TRPM3: variants seen among roughly 807,000 people sequenced by gnomAD.
TRPM3 encodes the protein long transient receptor potential channel 3.
TRPM3 carries 77 observed loss-of-function variants against 181.2 expected under a neutral mutation model. The observed-to-expected ratio is 0.42, with a 90% CI of 0.35 to 0.51. The LOEUF is 0.51. Among genes scored for constraint, TRPM3 ranks in the 20% least tolerant of loss-of-function variants. TRPM3 has a pLI of 0.01. For missense variants in TRPM3, 1,759 were observed against 2,196.7 expected, an observed-to-expected ratio of 0.80 and a Z score of 3.98; for synonymous variants, 745 against 796.4, an observed-to-expected ratio of 0.94 and a Z score of 1.09.
At chr9:70,655,588 T>G (rs1263232823) in intron 9 of TRPM3, among the ~76,000 whole-genome samples, 1 of 152,162 alleles carries the variant, frequency 6.6e-6, no homozygotes, top group Non-Finnish European at 1.5e-5. Context: ...AGGATCTTTG[T>G]GTGCGTGATT....
At chr9:71,096,606 T>A (rs1246820092) in intron 1 of TRPM3, among the ~76,000 whole-genome samples, 7 of 149,456 alleles carry the variant, frequency 4.7e-5, no homozygotes, top group Non-Finnish European at 7.4e-5. Flanking sequence ...TCTCTCTCTC[T>A]CTCTCTCTCT....
chr9:71,300,137 G>T (rs1450617453), intron 1 of TRPM3, among the ~76,000 whole-genome samples: 1 of 152,056 alleles, frequency 6.6e-6, no homozygotes, highest in African/African-American at 2.4e-5. Context: ...AAAGATAAAA[G>T]GATGTCTATA....
At chr9:71,021,684 G>T (rs544295646) in intron 1 of TRPM3, among the ~76,000 whole-genome samples, 60 of 152,218 alleles carry the variant, frequency 3.9e-4, no homozygotes, top group African/African-American at 1.4e-3. Flanking sequence ...AATATTTGAG[G>T]TCAGATTTGG....
intron 1 of TRPM3, among the ~76,000 whole-genome samples, chr9:71,418,856 G>GTA (rs1326917947): frequency 1.4e-5 from 2 of 138,162 alleles, no homozygotes; most frequent in Non-Finnish European, 3.1e-5. Context: ...AGTATCCTTT[G>GTA]TATATATATG....
intron 1 of TRPM3, among the ~76,000 whole-genome samples, chr9:71,097,586 C>T (rs780068453): frequency 6.6e-6 from 1 of 151,922 alleles, no homozygotes; most frequent in Non-Finnish European, 1.5e-5. Flanking sequence ...CAGTGAATTT[C>T]CTCTAAAACC....
chr9:70,693,505 A>G (rs971905473), intron 8 of TRPM3, among the ~76,000 whole-genome samples: 36 of 152,090 alleles, frequency 2.4e-4, no homozygotes, highest in Non-Finnish European at 4.6e-4. Context: ...ATATTTTTTC[A>G]TCATTACAAG....
intron 1 of TRPM3, among the ~76,000 whole-genome samples, chr9:71,021,461 G>A (rs537469076): frequency 2.6e-5 from 4 of 152,152 alleles, no homozygotes; most frequent in Non-Finnish European, 5.9e-5. Flanking sequence ...GGGGATAATC[G>A]ATTTTAACTT....
At chr9:70,893,874 A>G (rs975929640) in intron 1 of TRPM3, among the ~76,000 whole-genome samples, 1 of 152,220 alleles carries the variant, frequency 6.6e-6, no homozygotes, top group African/African-American at 2.4e-5. Context: ...TATGCAAAAC[A>G]TTCTAAGCCT....
chr9:70,874,073 A>AG (rs2095834382), intron 1 of TRPM3, among the ~76,000 whole-genome samples: 1 of 151,916 alleles, frequency 6.6e-6, no homozygotes, highest in Non-Finnish European at 1.5e-5. Context: ...GATTGGGAAA[A>AG]GATTCAATAA....
At chr9:71,311,192 G>A (rs1443267304) in intron 1 of TRPM3, among the ~76,000 whole-genome samples, 1 of 151,952 alleles carries the variant, frequency 6.6e-6, no homozygotes, top group Non-Finnish European at 1.5e-5. Flanking sequence ...AAAAAATTGT[G>A]CACAAAGTGA....
chr9:71,191,247 C>T (rs1014071489), intron 1 of TRPM3, among the ~76,000 whole-genome samples: 4 of 151,792 alleles, frequency 2.6e-5, no homozygotes, highest in Admixed American at 6.6e-5. Flanking sequence ...CAGTGGCCAG[C>T]GTGGTGCTGG....
chr9:71,344,325 C>T (rs1480437735), intron 1 of TRPM3, among the ~76,000 whole-genome samples: 3 of 152,004 alleles, frequency 2.0e-5, no homozygotes, highest in African/African-American at 7.3e-5. Context: ...GTAGCGCATG[C>T]CTGTAATCCC....
intron 1 of TRPM3, among the ~76,000 whole-genome samples, chr9:71,039,192 C>A (rs2058547867): frequency 1.3e-5 from 2 of 152,088 alleles, no homozygotes. Flanking sequence ...AGACAAATCA[C>A]GGAACTGAAC....
intron 1 of TRPM3, among the ~76,000 whole-genome samples, chr9:70,979,340 T>A (rs2097339481): frequency 6.6e-6 from 1 of 152,172 alleles, no homozygotes; most frequent in South Asian, 2.1e-4. Context: ...AGTGGATGAT[T>A]CACTCATGCT....
At chr9:70,581,686 G>A (rs1473012171) in intron 22 of TRPM3, among the ~76,000 whole-genome samples, 1 of 152,212 alleles carries the variant, frequency 6.6e-6, no homozygotes, top group African/African-American at 2.4e-5. Flanking sequence ...CTGCCTTGCT[G>A]TGTTTGGTCA....
chr9:71,421,384 G>T (rs2093771238), intron 1 of TRPM3, among the ~76,000 whole-genome samples: 1 of 151,700 alleles, frequency 6.6e-6, no homozygotes, highest in South Asian at 2.1e-4. Flanking sequence ...AAAAAAAAAG[G>T]AAGAAAAGCT....
intron 8 of TRPM3, among the ~76,000 whole-genome samples, chr9:70,699,760 C>T (rs1306047519): frequency 6.6e-6 from 1 of 152,042 alleles, no homozygotes; most frequent in African/African-American, 2.4e-5. Flanking sequence ...GAGGTGGGGC[C>T]CAGCTTCAGG....
rs143276927 is a variant in TRPM3, at chr9:71,310,315, T to C, written c.183+136338A>G. 4.9e-3 allele frequency among the ~76,000 whole-genome samples: 742 copies of C among 152,168 alleles called. 6 individuals are homozygous for C. Among genetic ancestry groups the C allele is most frequent in the African/African-American group, 0.017 (708 of 41,552 alleles). ...AAAATAAAACTAATCTGAAATGTAC[T>C]ATAATCTTGAAAACCGAAACCAACA... On this transcript the variant is annotated intron_variant, in intron 1 of 24. Transcript: ENST00000357533.
intron 8 of TRPM3, among the ~76,000 whole-genome samples, chr9:70,752,104 TTATC>T (rs1336790026): frequency 2.0e-5 from 3 of 148,452 alleles, no homozygotes; most frequent in Non-Finnish European, 4.5e-5. Flanking sequence ...AGTTTAAAAT[TTATC>T]TATAAGAGCA....
Sources: allele counts gnomAD v4.1 joint callset (sites outside exome capture counted in the v4.1 genomes callset), GRCh38; gene constraint gnomAD v4.1.1; transcripts MANE v1.5; gene names NCBI Gene and HGNC (gene_info 2026-07-23, HGNC 2026-07-21).